The following IDH3B variants were observed in gnomAD, a reference collection of about 807,000 sequenced individuals.
The protein encoded by IDH3B is isocitrate dehydrogenase [NAD] subunit beta, mitochondrial.
A neutral mutation model predicts 47.5 loss-of-function variants in IDH3B; 40 were observed. The ratio of observed to expected loss-of-function variants is 0.84; its 90% CI spans 0.65 to 1.10. The LOEUF (loss-of-function observed/expected upper bound fraction) is 1.10, where lower values mean the gene tolerates loss of function less well. Among genes scored for constraint, IDH3B ranks in the 50% least tolerant of loss-of-function variants. The pLI is 0.00. For synonymous variants in IDH3B, 185 were observed against 191.0 expected, an observed-to-expected ratio of 0.97 and a Z score of 0.26; for missense variants, 450 against 505.2, an observed-to-expected ratio of 0.89 and a Z score of 1.05.
chr20:2,661,171 C>T lies in IDH3B; in HGVS notation c.338-202G>A, dbSNP rs2086940308. 2.8e-5 allele frequency among the ~76,000 whole-genome samples: 3 copies of T among 108,146 alleles called. No homozygotes were observed. In the South Asian group the frequency reaches 1.0e-3, roughly 37 times the overall value. 70.9% of individuals were successfully genotyped at this position (108,146 alleles called of 152,430 possible). A position where few individuals can be genotyped will look rare whatever the true frequency, so the allele number is the denominator to read the frequency against. ...AAAGCCAGAAACATTTCATCTATTGCATTTTCTGTGTGTGTGTGTGTGTGT... is the reference window on the plus strand; with the variant it reads ...AAAGCCAGAAACATTTCATCTATTGTATTTTCTGTGTGTGTGTGTGTGTGT... On this transcript the variant is annotated intron_variant, in intron 4 of 11. Transcript: ENST00000380843.
chr20:2,659,037 A>T (rs2086882262), intron 11 of IDH3B, 200 bp from the exon 12 acceptor site: 1 of 1,190,434 alleles, frequency 8.4e-7, no homozygotes, highest in Non-Finnish European at 1.1e-6. Flanking sequence ...GCTGTGCTGC[A>T]GCCAGGGCAG....
At chr20:2,659,176 G>A (rs756715020) in intron 11 of IDH3B, 451 of 1,195,170 alleles carry the variant, frequency 3.8e-4, no homozygotes, top group Non-Finnish European at 4.3e-4. Flanking sequence ...GAGATGGGGC[G>A]TGAAGGTGAA....
In IDH3B at chr20:2,658,495, C is replaced by T. The variant is rs775904564; in HGVS notation, c.*256G>A. The T allele has an allele frequency of 6.2e-7, 1 of 1,614,142 alleles. No individual in the cohort carries two copies. The highest frequency in any genetic ancestry group is 8.5e-7 in the Non-Finnish European group (1 of 1,180,018). On this transcript the variant is annotated 3_prime_UTR_variant, in exon 12 of 12. Coordinates refer to ENST00000380843, the MANE Select transcript of IDH3B (RefSeq NM_006899.5). ...GCCTCAGTGAAGTCATGGCAAGTAG[C>T]ATAGCCACCCATGTCAGAGGTTCGA...
At position 2,658,507 on chromosome 20, in the gene IDH3B, T is replaced by G; in HGVS notation, c.*244A>C. The G allele has an allele frequency of 6.2e-7, 1 of 1,613,948 alleles. No homozygotes were observed. The highest frequency in any genetic ancestry group is 8.5e-7 in the Non-Finnish European group (1 of 1,179,962). ...TCATGGCAAGTAGCATAGCCACCCA[T>G]GTCAGAGGTTCGAACCTGTGGGGGA... is the stretch of plus-strand genomic sequence containing the variant. On this transcript the variant is annotated 3_prime_UTR_variant, in exon 12 of 12. Coordinates refer to ENST00000380843, the MANE Select transcript of IDH3B (RefSeq NM_006899.5).
chr20:2,664,095 C>T, intron 1 of IDH3B, 58 bp downstream of exon 1: 1 of 1,607,848 alleles, frequency 6.2e-7, no homozygotes, highest in East Asian at 2.2e-5. Context: ...TTAGGAAACC[C>T]TAGGACAAAC....
In IDH3B at chr20:2,663,478, C is replaced by G. The variant is rs2086985625; in HGVS notation, c.305G>C (p.Ser102Thr). ...GGCCACTTTGTTCTCCTTCATGGAA[C>G]TCAGCACCTGCTCCAGCTTCTCCTC... Reference protein sequence around the residue: ...ASEEKLEQVLSSMKENKVAII... With the variant: ...ASEEKLEQVLTSMKENKVAII... Residue 102 changes from serine (S) to threonine (T), a missense_variant, in exon 4 of 12, where the codon AGT becomes ACT. Ser to Thr is a moderately conservative substitution (Grantham distance 58). Transcript: ENST00000380843. 6.2e-7 allele frequency: 1 copy of G among 1,614,232 alleles called. No homozygotes were observed. The highest frequency in any genetic ancestry group is 8.5e-7 in the Non-Finnish European group (1 of 1,180,040).
chr20:2,662,773 T>C (rs2086970958), intron 4 of IDH3B, among the ~76,000 whole-genome samples: 1 of 151,980 alleles, frequency 6.6e-6, no homozygotes. Flanking sequence ...ACCAACATGG[T>C]GAAACCCCAT....
chr20:2,659,690 A>T lies in IDH3B; in HGVS notation c.1010+9T>A, dbSNP rs1881852816. On this transcript the variant is annotated intron_variant, in intron 10 of 11. Transcript: ENST00000380843. ...ACCCAACCTCTGCCGACAGCCTCCC[A>T]TGACCTACTTAAGATGCCGCAGCAT... 6.2e-7 allele frequency: 1 copy of T among 1,613,388 alleles called. No individual in the cohort carries two copies. Among genetic ancestry groups the T allele is most frequent in the Non-Finnish European group, 8.5e-7 (1 of 1,179,400 alleles).
chr20:2,659,434 C>A, intron 11 of IDH3B, 91 bp downstream of exon 11: 1 of 1,534,370 alleles, frequency 6.5e-7, no homozygotes, highest in Non-Finnish European at 9.0e-7. Context: ...GGAAAGGAGA[C>A]CCCCATTCAG....
chr20:2,663,638 T>G (rs780745599), intron 3 of IDH3B, 22 bp downstream of exon 3: 8 of 1,614,032 alleles, frequency 5.0e-6, no homozygotes, highest in Non-Finnish European at 8.5e-7. Flanking sequence ...TCCTCTACTG[T>G]CTGATCCCCG....
intron 4 of IDH3B, among the ~76,000 whole-genome samples, chr20:2,663,123 C>T (rs2086978057): frequency 7.4e-6 from 1 of 134,744 alleles, no homozygotes; most frequent in South Asian, 2.4e-4. Flanking sequence ...CAAGAAGAAA[C>T]AAAGAGGAAG....
At position 2,660,148 on chromosome 20, in the gene IDH3B, A is replaced by T. The variant is rs1404338974; in HGVS notation, c.797T>A (p.Val266Glu). 1 of 1,614,204 alleles carries T rather than the reference A, an allele frequency of 6.2e-7. No individual in the cohort carries two copies. ...CCCATAGAGATTGGGCATCACAAGCACATCAAACTGGTAAGGATTCTGCAC... is the reference window on the plus strand; with the variant it reads ...CCCATAGAGATTGGGCATCACAAGCTCATCAAACTGGTAAGGATTCTGCAC... ...QLVQNPYQFDVLVMPNLYGNI... is the reference protein window; with the variant it reads ...QLVQNPYQFDELVMPNLYGNI... The change falls in exon 9 of 12, where the codon GTG becomes GAG. Residue 266 changes from valine to glutamate, a missense_variant. Val to Glu is a moderately radical substitution (Grantham distance 121, BLOSUM62 -2). Transcript: ENST00000380843. The surrounding 1 kb of genome is among the most constrained non-coding windows in gnomAD (Gnocchi z 5.6).
Position 2,658,772 on chromosome 20 carries a change from G to C in IDH3B, c.1137C>G (p.His379Gln). The stretch of plus-strand genomic sequence containing the variant: ...GGCTCTAGCTCCCTTTAGTCTGCAG[G>C]TGACCGATGACAGACTTGATGAAGT... ...TTDFIKSVIG[H>Q]LQTKGS The change falls in exon 12 of 12, where the codon CAC (histidine) becomes CAG (glutamine). Residue 379 changes from histidine to glutamine, a missense_variant. Transcript: ENST00000380843. The C allele has an allele frequency of 6.2e-7, 1 of 1,614,178 alleles. No individual in the cohort carries two copies. Among genetic ancestry groups the C allele is most frequent in the Non-Finnish European group, 8.5e-7 (1 of 1,180,026 alleles).
In IDH3B at chr20:2,660,776, T is replaced by C. The variant is rs1421902349; in HGVS notation, c.452A>G (p.Tyr151Cys). 5 of 1,614,182 alleles carry C rather than the reference T, an allele frequency of 3.1e-6. No individual in the cohort carries two copies. The highest frequency in any genetic ancestry group is 4.2e-6 in the Non-Finnish European group (5 of 1,180,042). ...NVVHVKSLPG[Y>C]MTRHNNLDLV... Reference sequence around the variant, plus strand: ...GTCTAGATTGTTGTGCCGAGTCATATACCCAGGAAGTGACTTCACATGGAC... The same window carrying C: ...GTCTAGATTGTTGTGCCGAGTCATACACCCAGGAAGTGACTTCACATGGAC... The change falls in exon 6 of 12, where the codon TAT (tyrosine) becomes TGT (cysteine). Residue 151 changes from tyrosine (Y) to cysteine (C), a missense_variant. By Grantham distance (194) the Tyr-to-Cys change is radical. Coordinates refer to ENST00000380843, the MANE Select transcript of IDH3B (RefSeq NM_006899.5). This position sits in a 1 kb window ranked among gnomAD's most constrained non-coding sequence, Gnocchi z 5.6.
At position 2,660,901 on chromosome 20, in the gene IDH3B, C is replaced by T; in HGVS notation, c.398+8G>A. On this transcript the variant is annotated splice_region_variant and intron_variant, in intron 5 of 11. Transcript: ENST00000380843. The surrounding 1 kb of genome is among the most constrained non-coding windows in gnomAD (Gnocchi z 5.6). ...CTCTCAACCATTCACCCCACCCAGA[C>T]CACCTACCTCAGCCGCATATCATAG... 3 of 1,614,180 alleles carry T rather than the reference C, an allele frequency of 1.9e-6. 1 individual carries two copies. The South Asian group carries it at 3.3e-5, about 18-fold the overall frequency.
intron 11 of IDH3B, 186 bp from the exon 12 acceptor site, chr20:2,659,023 A>G (rs890542138): frequency 7.6e-6 from 11 of 1,456,428 alleles, no homozygotes; most frequent in South Asian, 4.3e-5. Flanking sequence ...TTAAGCCACT[A>G]TTAGCTGTGC....
intron 2 of IDH3B, 82 bp downstream of exon 2, chr20:2,663,843 G>A (rs1366160610): frequency 1.8e-5 from 28 of 1,591,766 alleles, no homozygotes; most frequent in Non-Finnish European, 2.4e-5. Flanking sequence ...GGAGACCCGG[G>A]AGGGGTGGGG....
intron 2 of IDH3B, 35 bp from the exon 3 acceptor site, chr20:2,663,793 A>G (rs1568551805): frequency 1.9e-6 from 3 of 1,610,148 alleles, no homozygotes; most frequent in Admixed American, 3.3e-5. Flanking sequence ...GTAAAGATAG[A>G]GCTGGGGCGG....
chr20:2,660,954 G>A lies in IDH3B; in HGVS notation c.353C>T (p.Pro118Leu), dbSNP rs1173511571. Residue 118 changes from proline to leucine, a missense_variant, in exon 5 of 12, where the codon CCG (proline) becomes CTG (leucine). Transcript: ENST00000380843. This position sits in a 1 kb window ranked among gnomAD's most constrained non-coding sequence, Gnocchi z 5.6. ...KVAIIGKIHT[P>L]MEYKGELASY... ...GGCTAGCTCCCCCTTATACTCCATC[G>A]GGGTATGAATCTTTCCTGTGAAAAC... 1.9e-6 allele frequency: 3 copies of A among 1,613,818 alleles called. No homozygotes were observed. Among genetic ancestry groups the A allele is most frequent in the Non-Finnish European group, 2.5e-6 (3 of 1,179,988 alleles).
Sources: allele counts gnomAD v4.1 joint callset (sites outside exome capture counted in the v4.1 genomes callset), GRCh38; gene constraint gnomAD v4.1.1; non-coding constraint Gnocchi (gnomAD v3.1); transcripts MANE v1.5; gene names NCBI Gene and HGNC (gene_info 2026-07-23, HGNC 2026-07-21).